NFASC: variants seen among roughly 807,000 people sequenced by gnomAD.
NFASC encodes neurofascin homolog.
NFASC carries 43 observed loss-of-function variants against 147.5 expected under a neutral mutation model. The observed-to-expected ratio is 0.29, with a 90% CI of 0.23 to 0.38. The LOEUF (loss-of-function observed/expected upper bound fraction) is 0.38, where lower values mean the gene tolerates loss of function less well. Among genes scored for constraint, NFASC ranks in the 10% least tolerant of loss-of-function variants. NFASC has a pLI of 1.00. For missense variants in NFASC, 1,320 were observed against 1,689.0 expected, an observed-to-expected ratio of 0.78 and a Z score of 3.83; for synonymous variants, 622 against 665.5, an observed-to-expected ratio of 0.93 and a Z score of 1.01.
chr1:204,996,829 G>T (rs1284551486), intron 24 of NFASC, among the ~76,000 whole-genome samples: 7 of 152,286 alleles, frequency 4.6e-5, no homozygotes, highest in Admixed American at 3.9e-4. Context: ...CCAGTGTTTG[G>T]CCTGGGGCTC....
chr1:204,848,097 C>A (rs1020138708), intron 1 of NFASC, among the ~76,000 whole-genome samples: 1 of 152,148 alleles, frequency 6.6e-6, no homozygotes, highest in African/African-American at 2.4e-5. Flanking sequence ...TAGAAGGGCC[C>A]CAGGAGGGAA....
At chr1:204,837,811 CA>C (rs1674196634) in intron 1 of NFASC, among the ~76,000 whole-genome samples, 1 of 152,048 alleles carries the variant, frequency 6.6e-6, no homozygotes, top group African/African-American at 2.4e-5. Context: ...GGCTTTTTGT[CA>C]GTAAAATAGT....
At chr1:204,963,806 AGGAG>A (rs754192715) in intron 8 of NFASC, among the ~76,000 whole-genome samples, 18 of 152,234 alleles carry the variant, frequency 1.2e-4, no homozygotes, top group Admixed American at 8.5e-4. Flanking sequence ...AATGGAAGGA[AGGAG>A]GATGACTTCT....
Position 205,015,371 on chromosome 1 carries a change from G to A in NFASC, c.3492-937G>A, listed in dbSNP as rs1457137585. Among the ~76,000 whole-genome samples, 1 of 152,182 alleles carries A rather than the reference G, an allele frequency of 6.6e-6. No individual in the cohort carries two copies. The highest frequency in any genetic ancestry group is 1.5e-5 in the Non-Finnish European group (1 of 68,036). On this transcript the variant is annotated intron_variant, in intron 29 of 29. Coordinates refer to ENST00000339876, the MANE Select transcript of NFASC (RefSeq NM_001005388.3). This position sits in a 1 kb window ranked among gnomAD's most constrained non-coding sequence, Gnocchi z 4.0. ...CCCAGGAACTGGGCTAACCTCTGAAGTGCAGCCAGCACCACCTGGTCCCCA... is the reference window on the plus strand; with the variant it reads ...CCCAGGAACTGGGCTAACCTCTGAAATGCAGCCAGCACCACCTGGTCCCCA...
chr1:204,956,821 C>A (rs2094454756), intron 7 of NFASC, among the ~76,000 whole-genome samples: 1 of 151,908 alleles, frequency 6.6e-6, no homozygotes, highest in Non-Finnish European at 1.5e-5. Context: ...AAGGAGACAG[C>A]TGTGAGTAGT....
rs187248882 is a variant in NFASC at position 204,853,457 on chromosome 1, C to T, written c.-200+24675C>T. On this transcript the variant is annotated intron_variant, in intron 1 of 29. Coordinates refer to ENST00000339876, the MANE Select transcript of NFASC (RefSeq NM_001005388.3). The stretch of plus-strand genomic sequence containing the variant: ...GGCTTCCCAGAGCTGCAGCCTAGAG[C>T]CTTCTTTCTGCATCTCTTCTTACCT... Among the ~76,000 whole-genome samples the T allele has an allele frequency of 7.6e-4, 116 of 152,322 alleles. 1 individual carries two copies. The highest frequency in any genetic ancestry group is 2.8e-3 in the African/African-American group (115 of 41,576).
In NFASC at chr1:204,966,309, T is replaced by C. The variant is rs1250662456; in HGVS notation, c.707-1940T>C. 3.9e-5 allele frequency among the ~76,000 whole-genome samples: 6 copies of C among 152,210 alleles called. No homozygotes were observed. In the East Asian group the frequency reaches 1.2e-3, roughly 29 times the overall value. ...GCTGGTGGTGTCGCGCGTTATGGTG[T>C]AAATTAAACGTCCATAGGGTCACAG... On this transcript the variant is annotated intron_variant, in intron 8 of 29. Coordinates refer to ENST00000339876, the MANE Select transcript of NFASC (RefSeq NM_001005388.3).
chr1:204,897,443 A>C (rs1312854313), intron 1 of NFASC, among the ~76,000 whole-genome samples: 1 of 152,184 alleles, frequency 6.6e-6, no homozygotes, highest in East Asian at 1.9e-4. Context: ...ATTGGAGAGC[A>C]ATCTTGTTCC....
intron 26 of NFASC, among the ~76,000 whole-genome samples, 164 bp from the exon 27 acceptor site, chr1:205,002,432 G>A (rs974009872): frequency 3.3e-5 from 5 of 152,206 alleles, no homozygotes; most frequent in African/African-American, 1.2e-4. Flanking sequence ...GACAGGCATA[G>A]GGAAGCTGCC....
At position 204,968,493 on chromosome 1, in the gene NFASC, G is replaced by A. The variant is rs929503704; in HGVS notation, c.818+133G>A. The A allele has an allele frequency of 1.3e-5, 9 of 675,972 alleles. No individual in the cohort carries two copies. The South Asian group carries it at 1.6e-4, about 12-fold the overall frequency. The allele number at this position is 675,972 out of a possible 1,614,324, so 41.9% of individuals were successfully genotyped here. On this transcript the variant is annotated intron_variant, in intron 9 of 29. Coordinates refer to ENST00000339876, the MANE Select transcript of NFASC (RefSeq NM_001005388.3). This position sits in a 1 kb window ranked among gnomAD's most constrained non-coding sequence, Gnocchi z 5.4. ...CAAAAAGAGAAGCAAACAGCCTCTA[G>A]TGAGCAGGGTGTTGCAAACCATAGT...
intron 1 of NFASC, among the ~76,000 whole-genome samples, chr1:204,901,395 C>A (rs941573487): frequency 1.3e-5 from 2 of 151,988 alleles, no homozygotes; most frequent in African/African-American, 4.8e-5. Flanking sequence ...GGAGGAAACC[C>A]GGGAGGTGGC....
intron 27 of NFASC, among the ~76,000 whole-genome samples, chr1:205,006,921 G>A (rs2096124599): frequency 6.6e-6 from 1 of 151,896 alleles, no homozygotes; most frequent in Non-Finnish European, 1.5e-5. Flanking sequence ...AGGGATGATG[G>A]GGATGAATAA....
intron 1 of NFASC, among the ~76,000 whole-genome samples, chr1:204,846,763 GTCT>G (rs1299716976): frequency 6.6e-6 from 1 of 152,148 alleles, no homozygotes; most frequent in Admixed American, 6.5e-5. Context: ...AGAGCCCATT[GTCT>G]TCTTGCATCA....
chr1:204,889,719 G>A (rs1485191156), intron 1 of NFASC, among the ~76,000 whole-genome samples: 2 of 152,156 alleles, frequency 1.3e-5, no homozygotes, highest in African/African-American at 4.8e-5. Context: ...AATTAGAATG[G>A]AGGCTTCTCA....
At chr1:204,971,087 T>C (rs1357876226) in intron 11 of NFASC, among the ~76,000 whole-genome samples, 1 of 152,150 alleles carries the variant, frequency 6.6e-6, no homozygotes, top group Non-Finnish European at 1.5e-5. Flanking sequence ...CTCTGGGTGG[T>C]TGGGCTTTGA....
chr1:204,836,409 T>C (rs1673810727), intron 1 of NFASC, among the ~76,000 whole-genome samples: 1 of 152,148 alleles, frequency 6.6e-6, no homozygotes, highest in African/African-American at 2.4e-5. Context: ...GAAGGTGTAA[T>C]ATTGAGGTAA....
chr1:204,917,551 A>C (rs1279892596), intron 1 of NFASC, among the ~76,000 whole-genome samples: 1 of 152,220 alleles, frequency 6.6e-6, no homozygotes, highest in Non-Finnish European at 1.5e-5. Flanking sequence ...TTCAGATGTG[A>C]CTAATGGCTT....
At chr1:205,001,755 C>T (rs1435962965) in intron 26 of NFASC, among the ~76,000 whole-genome samples, 1 of 152,220 alleles carries the variant, frequency 6.6e-6, no homozygotes, top group Non-Finnish European at 1.5e-5. Flanking sequence ...TTTGTCCCAG[C>T]TGGTGGCTTG....
At chr1:205,002,996 A>G (rs1367207508) in intron 27 of NFASC, among the ~76,000 whole-genome samples, 1 of 152,166 alleles carries the variant, frequency 6.6e-6, no homozygotes, top group Non-Finnish European at 1.5e-5. Flanking sequence ...GAAGGAAACA[A>G]AGGATGTTTA....
Sources: gnomAD v4.1 joint callset for allele counts (sites outside exome capture counted in the v4.1 genomes callset) on GRCh38, gnomAD v4.1.1 for gene constraint, Gnocchi (gnomAD v3.1) non-coding constraint, MANE v1.5 for transcripts, NCBI Gene and HGNC (gene_info 2026-07-23, HGNC 2026-07-21) for gene names.